Variants in ZYG11B observed in about 807,000 individuals in gnomAD.
ZYG11B encodes the protein zyg-11 family member B, cell cycle regulator, also known as protein zyg-11 homolog B.
Under a neutral mutation model 82.4 loss-of-function variants are expected in ZYG11B, and 36 were observed. The observed-to-expected ratio is 0.44, with a 90% CI of 0.33 to 0.58. The LOEUF is 0.58. ZYG11B is among the 20% of genes least tolerant of loss of function. The pLI is 0.02. For missense variants in ZYG11B, 552 were observed against 895.6 expected (o/e 0.62, Z 4.90); for synonymous variants, 303 against 312.8 (o/e 0.97, Z 0.33).
chr1:52,732,092 C>T (rs569617961), intron 1 of ZYG11B, among the ~76,000 whole-genome samples: 4 of 152,336 alleles, frequency 2.6e-5, no homozygotes, highest in Non-Finnish European at 2.9e-5. Flanking sequence ...CCTGAGCCAT[C>T]GTGCCCAGCC....
In ZYG11B at chr1:52,762,975, T is replaced by C. The variant is rs562407221; in HGVS notation, c.196+6352T>C. Among the ~76,000 whole-genome samples, 336 of 107,152 alleles carry C rather than the reference T, an allele frequency of 3.1e-3. 1 individual carries two copies. Among genetic ancestry groups the C allele is most frequent in the Middle Eastern group, 4.4e-3 (1 of 226 alleles). The allele number at this position is 107,152 out of a possible 152,430, so 70.3% of individuals were successfully genotyped here. On this transcript the variant is annotated intron_variant, in intron 2 of 13. Coordinates refer to ENST00000294353, the MANE Select transcript of ZYG11B (RefSeq NM_024646.3). ...AGTTGGTTTTTGTAAAGGTGAGAGA[T>C]TGGGGGGGGGGGGTCTAGTTTCATT...
chr1:52,797,170 T>TTA (rs61312816), intron 8 of ZYG11B, among the ~76,000 whole-genome samples: 2 of 62,822 alleles, frequency 3.2e-5, no homozygotes, highest in East Asian at 1.1e-3. Flanking sequence ...ATATTATATA[T>TTA]TATATATATT....
chr1:52,773,454 A>G (rs138244043), intron 3 of ZYG11B, among the ~76,000 whole-genome samples: 158 of 148,000 alleles, frequency 1.1e-3, no homozygotes, highest in African/African-American at 3.7e-3. Flanking sequence ...AGCCTGGGTG[A>G]CAGCGTGAGA....
At chr1:52,726,734 C>T in intron 1 of ZYG11B, 51 bp downstream of exon 1, 9 of 1,433,736 alleles carry the variant, frequency 6.3e-6, no homozygotes, top group Non-Finnish European at 8.2e-6. Flanking sequence ...CCCTAGCCCC[C>T]GCCCGTCGCG....
chr1:52,775,261 T>TA (rs1644794444), intron 3 of ZYG11B, among the ~76,000 whole-genome samples: 1 of 152,176 alleles, frequency 6.6e-6, no homozygotes, highest in Non-Finnish European at 1.5e-5. Flanking sequence ...CAGACTCCTA[T>TA]ATTGAACTGC....
chr1:52,802,399 G>A (rs1645083580), intron 10 of ZYG11B, among the ~76,000 whole-genome samples: 1 of 136,330 alleles, frequency 7.3e-6, no homozygotes, highest in Admixed American at 8.4e-5. Flanking sequence ...CCAGGCTGGA[G>A]TGCAGTGGTG....
chr1:52,753,698 G>C (rs374801672), intron 1 of ZYG11B, among the ~76,000 whole-genome samples: 2 of 152,110 alleles, frequency 1.3e-5, no homozygotes, highest in African/African-American at 4.8e-5. Context: ...CCGGGTGCAA[G>C]CGATTCTCCT....
chr1:52,739,433 G>A (rs1187003866), intron 1 of ZYG11B, among the ~76,000 whole-genome samples: 2 of 152,052 alleles, frequency 1.3e-5, no homozygotes, highest in Non-Finnish European at 2.9e-5. Context: ...CAAGTTAAAG[G>A]CAAGTAGAGT....
chr1:52,748,422 A>C (rs929851218), intron 1 of ZYG11B, among the ~76,000 whole-genome samples: 1 of 152,266 alleles, frequency 6.6e-6, no homozygotes, highest in Non-Finnish European at 1.5e-5. Flanking sequence ...TATGAAGTAC[A>C]TAGGTGGCTG....
chr1:52,755,438 T>C (rs549883770), intron 1 of ZYG11B, among the ~76,000 whole-genome samples: 19 of 152,328 alleles, frequency 1.2e-4, no homozygotes, highest in African/African-American at 4.6e-4. Flanking sequence ...TGTTTTTCTT[T>C]TCCAAGATCG....
chr1:52,793,895 C>A lies in ZYG11B; in HGVS notation c.1335-2397C>A, dbSNP rs200828191. Among the ~76,000 whole-genome samples the A allele has an allele frequency of 1.4e-4, 20 of 143,652 alleles. No homozygotes were observed. In the East Asian group the frequency reaches 3.9e-3, roughly 28 times the overall value. 94.2% of individuals were successfully genotyped at this position (143,652 alleles called of 152,430 possible). A position where few individuals can be genotyped will look rare whatever the true frequency, so the allele number is the denominator to read the frequency against. On this transcript the variant is annotated intron_variant, in intron 6 of 13. Coordinates refer to ENST00000294353, the MANE Select transcript of ZYG11B (RefSeq NM_024646.3). The stretch of plus-strand genomic sequence containing the variant: ...TCCTTCCTTCCTTCCTTCCTTCCTT[C>A]CTTCCTTTCTTTCCTTTCTTTCCTT...
intron 1 of ZYG11B, among the ~76,000 whole-genome samples, chr1:52,750,136 C>G (rs1001123097): frequency 1.3e-5 from 2 of 152,076 alleles, no homozygotes; most frequent in Admixed American, 1.3e-4. Context: ...CTTGCTCTGT[C>G]ACCCAGGCAG....
At chr1:52,773,629 T>TATTTA (rs1187455734) in intron 3 of ZYG11B, among the ~76,000 whole-genome samples, 1 of 9,566 alleles carries the variant, frequency 1.0e-4, no homozygotes, top group African/African-American at 4.3e-4. Context: ...ATATATATAT[T>TATTTA]TTTTTTTTTT....
intron 3 of ZYG11B, among the ~76,000 whole-genome samples, chr1:52,772,868 A>G (rs1267641637): frequency 6.6e-6 from 1 of 151,932 alleles, no homozygotes; most frequent in Non-Finnish European, 1.5e-5. Flanking sequence ...TAGTAGAGAC[A>G]GAGTTTCACT....
intron 4 of ZYG11B, among the ~76,000 whole-genome samples, chr1:52,783,886 G>GTACATACACGTGTGTGTGTCTT (rs1644884382): frequency 7.3e-6 from 1 of 136,586 alleles, no homozygotes; most frequent in Admixed American, 7.2e-5. Flanking sequence ...GTGTGTATAT[G>GTACATACACGTGTGTGTGTCTT]TACATACACG....
At chr1:52,797,421 TAC>T (rs199588111) in intron 8 of ZYG11B, among the ~76,000 whole-genome samples, 4,238 of 102,638 alleles carry the variant, frequency 0.041, 239 homozygotes, top group African/African-American at 0.14. Context: ...TCATATATTA[TAC>T]ATATTATATA....
At chr1:52,757,584 A>T (rs926715860) in intron 2 of ZYG11B, among the ~76,000 whole-genome samples, 2 of 152,016 alleles carry the variant, frequency 1.3e-5, no homozygotes, top group Non-Finnish European at 2.9e-5. Context: ...GTGAGACAGG[A>T]GAATCGCTTG....
At chr1:52,790,773 C>T (rs372519606) in intron 6 of ZYG11B, among the ~76,000 whole-genome samples, 583 of 77,254 alleles carry the variant, frequency 7.5e-3, no homozygotes, top group Middle Eastern at 0.015. Context: ...GTCCAGTGTT[C>T]TTTTTTTTTT....
chr1:52,825,971 T>C lies in ZYG11B; in HGVS notation c.*4342T>C, dbSNP rs1008617788. ...ATAGAACAATACCCCTATAGAACAA[T>C]GTACAGCTGCACCCAAGGTTAAAAA... On this transcript the variant is annotated 3_prime_UTR_variant, in exon 14 of 14. Coordinates refer to ENST00000294353, the MANE Select transcript of ZYG11B (RefSeq NM_024646.3). 3.3e-5 allele frequency: 5 copies of C among 152,128 alleles called. No homozygotes were observed. Among genetic ancestry groups the C allele is most frequent in the African/African-American group, 1.2e-4 (5 of 41,432 alleles). 9.4% of individuals were successfully genotyped at this position (152,128 alleles called of 1,614,324 possible).
Sources: gnomAD v4.1 joint callset for allele counts (sites outside exome capture counted in the v4.1 genomes callset) on GRCh38, gnomAD v4.1.1 for gene constraint, MANE v1.5 for transcripts, NCBI Gene and HGNC (gene_info 2026-07-23, HGNC 2026-07-21) for gene names.